The following B3GAT2 variants were observed in gnomAD, a reference collection of about 807,000 sequenced individuals.
B3GAT2 encodes the protein galactosylgalactosylxylosylprotein 3-beta-glucuronosyltransferase 2.
In B3GAT2, 26 loss-of-function variants were observed where a neutral mutation model predicts 27.8. The ratio of observed to expected loss-of-function variants is 0.93; its 90% CI spans 0.68 to 1.30. The LOEUF is 1.30. Ranked by LOEUF, B3GAT2 falls within the 50% of genes most tolerant of loss-of-function variation. The pLI is 0.00. For synonymous variants in B3GAT2, 218 were observed against 195.1 expected (o/e 1.12, Z -0.98); for missense variants, 458 against 459.0 (o/e 1.00, Z 0.02).
At chr6:70,885,868 T>C (rs13212642) in intron 2 of B3GAT2, among the ~76,000 whole-genome samples, 1 of 152,188 alleles carries the variant, frequency 6.6e-6, no homozygotes, top group Admixed American at 6.5e-5. Context: ...ACAGCCTGTA[T>C]GTGTCAGAGC....
chr6:70,933,575 A>G (rs1215630087), intron 1 of B3GAT2, among the ~76,000 whole-genome samples: 2 of 152,196 alleles, frequency 1.3e-5, no homozygotes, highest in East Asian at 3.9e-4. Context: ...GTAGCTGAGG[A>G]ACTTATCAAA....
At chr6:70,943,953 T>C (rs773458350) in intron 1 of B3GAT2, among the ~76,000 whole-genome samples, 1 of 152,188 alleles carries the variant, frequency 6.6e-6, no homozygotes, top group Non-Finnish European at 1.5e-5. Context: ...ATTTTAAATG[T>C]TTTCACCACA....
rs543509960 is a variant in B3GAT2, at chr6:70,894,115, C to T, written c.736+13G>A. On this transcript the variant is annotated intron_variant, in intron 2 of 3. Coordinates refer to ENST00000230053, the MANE Select transcript of B3GAT2 (RefSeq NM_080742.3). ...GTCCAGCAGGAACAAATGTCATCAC[C>T]CACACTGCTCACCTGCCATGTCGAT... The T allele has an allele frequency of 5.0e-6, 8 of 1,600,412 alleles. No homozygotes were observed. In the East Asian group the frequency reaches 1.1e-4, roughly 22 times the overall value.
intron 1 of B3GAT2, 86 bp downstream of exon 1, chr6:70,955,753 A>C: frequency 1.4e-6 from 2 of 1,382,344 alleles, no homozygotes; most frequent in South Asian, 2.9e-5. Context: ...GTGCACCCGG[A>C]GTGCAAGGGG....
chr6:70,957,016 A>G lies in B3GAT2; in HGVS notation c.-587T>C, dbSNP rs555669891. On this transcript the variant is annotated 5_prime_UTR_variant, in exon 1 of 4. Transcript: ENST00000230053. ...CGCGCCGCAGCGGAAGCCTGCTCTC[A>G]GTCCCTTGCTCTTGTCTTCTCAGAA... The G allele has an allele frequency of 1.7e-5, 17 of 996,806 alleles. No individual in the cohort carries two copies. The African/African-American group carries it at 2.6e-4, about 15-fold the overall frequency. 61.7% of individuals were successfully genotyped at this position (996,806 alleles called of 1,614,324 possible). A position where few individuals can be genotyped will look rare whatever the true frequency, so the allele number is the denominator to read the frequency against.
intron 1 of B3GAT2, among the ~76,000 whole-genome samples, chr6:70,918,881 G>C (rs1251239734): frequency 1.3e-5 from 2 of 152,058 alleles, no homozygotes; most frequent in African/African-American, 4.8e-5. Flanking sequence ...TCTTGGGGTT[G>C]CTCTTCTCGA....
At chr6:70,916,746 C>T (rs911519651) in intron 1 of B3GAT2, among the ~76,000 whole-genome samples, 3 of 152,046 alleles carry the variant, frequency 2.0e-5, no homozygotes, top group Non-Finnish European at 2.9e-5. Flanking sequence ...GGGATGAAGT[C>T]GACTTGATCG....
intron 1 of B3GAT2, among the ~76,000 whole-genome samples, chr6:70,900,228 A>G (rs1010004081): frequency 6.6e-6 from 1 of 152,182 alleles, no homozygotes; most frequent in Admixed American, 6.5e-5. Context: ...CATAGACCCA[A>G]TGGCTACAAA....
intron 1 of B3GAT2, among the ~76,000 whole-genome samples, chr6:70,942,168 C>A (rs923241866): frequency 1.3e-5 from 2 of 152,182 alleles, no homozygotes; most frequent in African/African-American, 4.8e-5. Context: ...GCTATGTATA[C>A]TTTTAAATTC....
intron 2 of B3GAT2, among the ~76,000 whole-genome samples, chr6:70,879,426 A>C (rs569028076): frequency 6.6e-6 from 1 of 152,306 alleles, no homozygotes; most frequent in Admixed American, 6.5e-5. Flanking sequence ...CCCCCTGTGA[A>C]TACCCTTGGG....
intron 2 of B3GAT2, among the ~76,000 whole-genome samples, chr6:70,886,712 C>T (rs957606790): frequency 6.6e-6 from 1 of 152,190 alleles, no homozygotes; most frequent in African/African-American, 2.4e-5. Flanking sequence ...ACACGCCCAC[C>T]TCTACCCAGC....
chr6:70,897,629 T>C (rs918864736), intron 1 of B3GAT2, among the ~76,000 whole-genome samples: 3 of 148,594 alleles, frequency 2.0e-5, no homozygotes, highest in African/African-American at 7.5e-5. Flanking sequence ...ACAACAGCTA[T>C]TCAGGAGGGT....
chr6:70,954,863 T>G (rs1479619750), intron 1 of B3GAT2, among the ~76,000 whole-genome samples: 2 of 146,590 alleles, frequency 1.4e-5, no homozygotes, highest in Non-Finnish European at 3.0e-5. Context: ...CACCGCAAGA[T>G]ACCAGCCTCA....
intron 1 of B3GAT2, among the ~76,000 whole-genome samples, chr6:70,916,973 G>A (rs1474363875): frequency 1.3e-5 from 2 of 151,918 alleles, no homozygotes; most frequent in African/African-American, 2.4e-5. Flanking sequence ...AGAAGGAATG[G>A]TACTAGCTCC....
chr6:70,860,421 T>C lies in B3GAT2; in HGVS notation c.*1242A>G, dbSNP rs549985447. 1.2e-3 allele frequency: 1,652 copies of C among 1,424,672 alleles called. 3 individuals are homozygous for C. Among genetic ancestry groups the C allele is most frequent in the South Asian group, 1.5e-3 (102 of 68,358 alleles). The allele number at this position is 1,424,672 out of a possible 1,614,324, so 88.3% of individuals were successfully genotyped here. ...GTTCCCCTGTTTATTCATATGCATA[T>C]TTTTTTTCTTTTTACCCATTTGTTC... is the stretch of plus-strand genomic sequence containing the variant. On this transcript the variant is annotated 3_prime_UTR_variant, in exon 4 of 4. Transcript: ENST00000230053.
At chr6:70,914,316 T>C (rs1168432802) in intron 1 of B3GAT2, among the ~76,000 whole-genome samples, 1 of 152,172 alleles carries the variant, frequency 6.6e-6, no homozygotes, top group African/African-American at 2.4e-5. Context: ...CGGTGTGTGA[T>C]GTTCCCCTCT....
At chr6:70,932,660 G>T (rs1773079594) in intron 1 of B3GAT2, among the ~76,000 whole-genome samples, 1 of 152,106 alleles carries the variant, frequency 6.6e-6, no homozygotes, top group African/African-American at 2.4e-5. Context: ...AACACTGAAG[G>T]TTATCAGGAT....
chr6:70,947,832 A>G (rs1359540975), intron 1 of B3GAT2, among the ~76,000 whole-genome samples: 1 of 152,228 alleles, frequency 6.6e-6, no homozygotes, highest in African/African-American at 2.4e-5. Flanking sequence ...AAAATCCTCA[A>G]TAAAATACTA....
intron 2 of B3GAT2, among the ~76,000 whole-genome samples, chr6:70,877,055 G>A (rs1365480829): frequency 6.6e-6 from 1 of 152,176 alleles, no homozygotes; most frequent in Admixed American, 6.5e-5. Flanking sequence ...CCAGGACTCT[G>A]CACCCTACTC....
Sources: gnomAD v4.1 joint callset for allele counts (sites outside exome capture counted in the v4.1 genomes callset) on GRCh38, gnomAD v4.1.1 for gene constraint, MANE v1.5 for transcripts, NCBI Gene and HGNC (gene_info 2026-07-23, HGNC 2026-07-21) for gene names.